The following NFATC2 variants were observed in gnomAD, a reference collection of about 807,000 sequenced individuals.
The protein encoded by NFATC2 is nuclear factor of activated T cells 2.
In NFATC2, 22 loss-of-function variants were observed where a neutral mutation model predicts 87.3. That is an observed-to-expected ratio of 0.25 (90% CI 0.18 to 0.36). NFATC2 has a LOEUF of 0.36. Ranked by LOEUF, NFATC2 falls within the 10% of genes least tolerant of loss-of-function variation. The pLI is 1.00. For missense variants in NFATC2, 1,149 were observed against 1,259.1 expected, an observed-to-expected ratio of 0.91 and a Z score of 1.32; for synonymous variants, 565 against 542.2, an observed-to-expected ratio of 1.04 and a Z score of -0.58.
rs375172598 is a variant in NFATC2 at position 51,540,647 on chromosome 20, G to GTTTTTTTTTTTTTTTTTTTTTTTT, written c.130+1722_130+1723insAAAAAAAAAAAAAAAAAAAAAAAA. ...ATCTGAAACTGTTCCAAAAACTGAA[G>GTTTTTTTTTTTTTTTTTTTTTTTT]TTTTTTTTTTGTTTTTTTTTTTTTG... On this transcript the variant is annotated intron_variant, in intron 1 of 10. Transcript: ENST00000371564. Among the ~76,000 whole-genome samples, 17 of 112,960 alleles carry GTTTTTTTTTTTTTTTTTTTTTTTT rather than the reference G, an allele frequency of 1.5e-4. 3 individuals are homozygous for GTTTTTTTTTTTTTTTTTTTTTTTT. Among genetic ancestry groups the GTTTTTTTTTTTTTTTTTTTTTTTT allele is most frequent in the South Asian group, 2.6e-4 (1 of 3,854 alleles). 74.1% of individuals were successfully genotyped at this position (112,960 alleles called of 152,430 possible).
chr20:51,413,340 T>C (rs926534389), intron 9 of NFATC2, among the ~76,000 whole-genome samples: 1 of 152,134 alleles, frequency 6.6e-6, no homozygotes, highest in African/African-American at 2.4e-5. Flanking sequence ...AACAGCCTGA[T>C]TCTAGGACCA....
intron 3 of NFATC2, among the ~76,000 whole-genome samples, chr20:51,507,651 G>A (rs1430948114): frequency 6.6e-6 from 1 of 152,196 alleles, no homozygotes; most frequent in Non-Finnish European, 1.5e-5. Context: ...GTCTCCCAGA[G>A]TCCCAAAGCT....
intron 6 of NFATC2, among the ~76,000 whole-genome samples, chr20:51,444,337 C>T (rs1984772435): frequency 6.6e-6 from 1 of 151,586 alleles, no homozygotes; most frequent in Non-Finnish European, 1.5e-5. Flanking sequence ...AAGAAAACCC[C>T]TACTAGATGC....
chr20:51,532,378 C>T (rs552110346), intron 1 of NFATC2, among the ~76,000 whole-genome samples: 7 of 152,144 alleles, frequency 4.6e-5, no homozygotes, highest in South Asian at 4.2e-4. Context: ...TCCTGGATGG[C>T]GACACCCTGA....
rs1986247247 is a variant in NFATC2 at position 51,390,942 on chromosome 20, G to A, written c.*554C>T. On this transcript the variant is annotated 3_prime_UTR_variant, in exon 11 of 11. Coordinates refer to ENST00000371564, the MANE Select transcript of NFATC2 (RefSeq NM_012340.5). ...GCTCTTGGGTCACGTTCCTTTGGTT[G>A]CTCTGAGAACTCCTTGCCTTCAAAA... 1 of 250,860 alleles carries A rather than the reference G, an allele frequency of 4.0e-6. No homozygotes were observed. 15.5% of individuals were successfully genotyped at this position (250,860 alleles called of 1,614,324 possible). A position where few individuals can be genotyped will look rare whatever the true frequency, so the allele number is the denominator to read the frequency against.
At chr20:51,414,620 C>T (rs917884838) in intron 9 of NFATC2, among the ~76,000 whole-genome samples, 8 of 151,790 alleles carry the variant, frequency 5.3e-5, no homozygotes, top group African/African-American at 1.7e-4. Context: ...ACCCAGGAGG[C>T]AGAGGTTGCA....
At chr20:51,418,663 T>G (rs1980395349) in intron 9 of NFATC2, among the ~76,000 whole-genome samples, 1 of 134,158 alleles carries the variant, frequency 7.5e-6, no homozygotes. Context: ...TGTTTGGTTT[T>G]TTTTTTTTTT....
At chr20:51,426,511 C>G (rs2146319674) in intron 9 of NFATC2, among the ~76,000 whole-genome samples, 1 of 150,864 alleles carries the variant, frequency 6.6e-6, no homozygotes, top group African/African-American at 2.4e-5. Flanking sequence ...AACAGCAGAT[C>G]ACATTTATGG....
chr20:51,542,753 G>GT (rs1218044101), upstream of NFATC2: 4 of 567,106 alleles, frequency 7.1e-6, no homozygotes, highest in African/African-American at 6.4e-5. Flanking sequence ...GGGAGGCGGG[G>GT]GGGGGGGGGG....
intron 3 of NFATC2, among the ~76,000 whole-genome samples, chr20:51,512,012 A>ACAG (rs905771540): frequency 1.6e-4 from 24 of 152,122 alleles, no homozygotes; most frequent in African/African-American, 5.8e-4. Context: ...AGCCACACAC[A>ACAG]GTCCTTCCCT....
rs375999590 is a variant in NFATC2 at position 51,454,111 on chromosome 20, A to G, written c.1849+437T>C. On this transcript the variant is annotated intron_variant, in intron 6 of 10. Transcript: ENST00000371564. ...CCATGACAACTTTATGGGGTAAGAA[A>G]TTTTAACGGATAGGTAATATGCCTC... Among the ~76,000 whole-genome samples the G allele has an allele frequency of 1.1e-4, 16 of 152,298 alleles. No homozygotes were observed. In the East Asian group the frequency reaches 2.7e-3, roughly 26 times the overall value.
intron 5 of NFATC2, among the ~76,000 whole-genome samples, chr20:51,462,565 G>T (rs566711778): frequency 6.6e-6 from 1 of 151,964 alleles, no homozygotes; most frequent in Admixed American, 6.6e-5. Flanking sequence ...GCAATTTAGG[G>T]TTCACACGTA....
chr20:51,529,180 C>G, intron 1 of NFATC2, among the ~76,000 whole-genome samples: 1 of 152,182 alleles, frequency 6.6e-6, no homozygotes, highest in East Asian at 1.9e-4. Flanking sequence ...ATCAGAAGAA[C>G]TGCACTGTAT....
intron 9 of NFATC2, among the ~76,000 whole-genome samples, chr20:51,413,059 G>A (rs1245284929): frequency 6.8e-6 from 1 of 147,000 alleles, no homozygotes; most frequent in Non-Finnish European, 1.5e-5. Flanking sequence ...CAGGCAGCCA[G>A]CTCCCGGGTT....
chr20:51,544,333 T>C (rs1226544845), upstream of NFATC2, among the ~76,000 whole-genome samples: 2 of 152,078 alleles, frequency 1.3e-5, no homozygotes, highest in Non-Finnish European at 2.9e-5. Flanking sequence ...CAGCCAGTGT[T>C]GAGGATGAGA....
chr20:51,431,649 G>T (rs542078579), intron 9 of NFATC2, among the ~76,000 whole-genome samples: 1 of 152,096 alleles, frequency 6.6e-6, no homozygotes, highest in Admixed American at 6.6e-5. Context: ...TACAAAAGAG[G>T]GCTATAAAAT....
intron 3 of NFATC2, among the ~76,000 whole-genome samples, chr20:51,498,864 G>T (rs947218154): frequency 1.3e-5 from 2 of 152,348 alleles, no homozygotes; most frequent in Admixed American, 6.5e-5. Context: ...ATCAGGGGAA[G>T]CTGCTTTGAG....
Position 51,490,721 on chromosome 20 carries a change from G to A in NFATC2, c.1333-15061C>T, listed in dbSNP as rs949052320. On this transcript the variant is annotated intron_variant, in intron 3 of 10. Coordinates refer to ENST00000371564, the MANE Select transcript of NFATC2 (RefSeq NM_012340.5). Reference sequence around the variant, plus strand: ...TGTAGTCCCAGCTACTTGGGAGAGTGAGACAGGAAGGTTATTTGAGCCCGG... The same window carrying A: ...TGTAGTCCCAGCTACTTGGGAGAGTAAGACAGGAAGGTTATTTGAGCCCGG... Among the ~76,000 whole-genome samples the A allele has an allele frequency of 2.0e-5, 3 of 152,216 alleles. No homozygotes were observed. The East Asian group carries it at 5.8e-4, about 29-fold the overall frequency.
rs1172356745 is a variant in NFATC2, at chr20:51,475,467, A to G, written c.1526T>C (p.Met509Thr). 2.5e-6 allele frequency: 4 copies of G among 1,613,548 alleles called. No homozygotes were observed. The highest frequency in any genetic ancestry group is 2.2e-5 in the East Asian group (1 of 44,896). The change falls in exon 4 of 11, where the codon ATG becomes ACG. Residue 509 changes from methionine to threonine, a missense_variant. Met to Thr is a moderately conservative substitution (Grantham distance 81). This residue lies in a region of NFATC2 where 581 missense variants were observed against 649.7 expected (regional missense o/e 0.89). Transcript: ENST00000371564. ...LEIPLEPKNN[M>T]RATIDCAGIL... is the part of the protein sequence containing the mutation. ...AGCTCCCAGCCCTTACGTTGCCCTCATGTTGTTTTTGGGCTCCAAGGGTAT... is the reference window on the plus strand; with the variant it reads ...AGCTCCCAGCCCTTACGTTGCCCTCGTGTTGTTTTTGGGCTCCAAGGGTAT...
Sources: gnomAD v4.1 joint callset for allele counts (sites outside exome capture counted in the v4.1 genomes callset) on GRCh38, gnomAD v4.1.1 for gene constraint, gnomAD v4.1.1 regional missense constraint, MANE v1.5 for transcripts, NCBI Gene and HGNC (gene_info 2026-07-23, HGNC 2026-07-21) for gene names.